Variants in DOCK4 observed in about 807,000 individuals in gnomAD.
The protein encoded by DOCK4 is dedicator of cytokinesis 4, also known as dedicator of cytokinesis protein 4.
A neutral mutation model predicts 268.1 loss-of-function variants in DOCK4; 97 were observed. The observed-to-expected ratio is 0.36, with a 90% CI of 0.31 to 0.43. DOCK4 has a LOEUF of 0.43. Ranked by LOEUF, DOCK4 falls within the 20% of genes least tolerant of loss-of-function variation. DOCK4 has a pLI of 1.00. For missense variants in DOCK4, 2,145 were observed against 2,455.7 expected (o/e 0.87, Z 2.67); for synonymous variants, 954 against 887.2 (o/e 1.08, Z -1.34).
intron 8 of DOCK4, chr7:111,953,645 A>T (rs1047843225): frequency 2.0e-5 from 3 of 152,366 alleles, no homozygotes; most frequent in African/African-American, 7.2e-5. Context: ...CAATGCATAG[A>T]TTTACAAAAA....
intron 13 of DOCK4, among the ~76,000 whole-genome samples, chr7:111,904,640 C>T (rs554735239): frequency 6.6e-6 from 1 of 152,036 alleles, no homozygotes; most frequent in Admixed American, 6.6e-5. Context: ...ATTCTGAATT[C>T]AAATACACTA....
At position 111,837,790 on chromosome 7, in the gene DOCK4, T is replaced by C. The variant is rs557769310; in HGVS notation, c.2737-3104A>G. 1.6e-3 allele frequency among the ~76,000 whole-genome samples: 240 copies of C among 152,194 alleles called. 2 individuals carry two copies. Among genetic ancestry groups the C allele is most frequent in the Non-Finnish European group, 8.8e-4 (60 of 67,986 alleles). On this transcript the variant is annotated intron_variant, in intron 25 of 52. Transcript: ENST00000428084. ...CATGGATTGGGAAATGCAATATTGT[T>C]AAGATGTCAATTTTGGCTGGGCGTG...
At chr7:112,065,865 T>C (rs980099346) in intron 1 of DOCK4, among the ~76,000 whole-genome samples, 1 of 152,120 alleles carries the variant, frequency 6.6e-6, no homozygotes, top group East Asian at 1.9e-4. Flanking sequence ...TCAATCACCA[T>C]TTGATGTAAT....
In DOCK4 at chr7:112,025,174, C is replaced by T. The variant is rs530275620; in HGVS notation, c.38-21043G>A. Among the ~76,000 whole-genome samples the T allele has an allele frequency of 2.2e-4, 34 of 151,970 alleles. No homozygotes were observed. The South Asian group carries it at 6.0e-3, about 27-fold the overall frequency. ...CAATATTCACTCAGCATCTACCATA[C>T]GCCGGCACCATGCTGGGTGCTAGGG... On this transcript the variant is annotated intron_variant, in intron 1 of 52. Transcript: ENST00000428084.
intron 1 of DOCK4, among the ~76,000 whole-genome samples, chr7:112,198,391 A>G (rs1441054645): frequency 6.6e-6 from 1 of 152,202 alleles, no homozygotes; most frequent in East Asian, 1.9e-4. Context: ...TTTTGTTTAA[A>G]CTATCCAGTC....
chr7:111,924,333 T>G (rs1305786190), intron 12 of DOCK4, among the ~76,000 whole-genome samples: 2 of 152,188 alleles, frequency 1.3e-5, no homozygotes, highest in African/African-American at 2.4e-5. Context: ...GTTACACATT[T>G]ACTTTTTTTA....
chr7:111,782,446 T>C (rs879581002), intron 35 of DOCK4, among the ~76,000 whole-genome samples: 1 of 152,190 alleles, frequency 6.6e-6, no homozygotes, highest in Non-Finnish European at 1.5e-5. Context: ...TTTATCAAAA[T>C]GTGGACTGCA....
At chr7:111,804,759 C>T (rs1800549601) in intron 30 of DOCK4, among the ~76,000 whole-genome samples, 1 of 151,902 alleles carries the variant, frequency 6.6e-6, no homozygotes, top group African/African-American at 2.4e-5. Flanking sequence ...GCCACCACAC[C>T]CAGCTAATTT....
intron 44 of DOCK4, among the ~76,000 whole-genome samples, chr7:111,745,592 G>T (rs763042638): frequency 1.2e-4 from 17 of 147,430 alleles, no homozygotes; most frequent in Non-Finnish European, 1.6e-4. Context: ...GCTGAGGCAG[G>T]AGAATGGCGT....
intron 41 of DOCK4, 97 bp from the exon 42 acceptor site, chr7:111,755,698 T>A: frequency 9.2e-7 from 1 of 1,086,964 alleles, no homozygotes. Flanking sequence ...AGGCTTTGCT[T>A]ATTCCTGTCA....
At chr7:111,971,633 C>T in intron 8 of DOCK4, 1 of 226,854 alleles carries the variant, frequency 4.4e-6, no homozygotes, top group Non-Finnish European at 8.6e-6. Context: ...TCTTAGTGGA[C>T]ACATCCCCTT....
chr7:111,732,350 A>G, intron 51 of DOCK4, 63 bp from the exon 52 acceptor site: 1 of 1,555,674 alleles, frequency 6.4e-7, no homozygotes, highest in African/African-American at 1.4e-5. Context: ...CTATCTGCAC[A>G]TGCCCTCTGT....
rs535797212 is a variant in DOCK4 at position 111,957,882 on chromosome 7, G to A, written c.702-12084C>T. 1.2e-3 allele frequency among the ~76,000 whole-genome samples: 178 copies of A among 152,276 alleles called. 1 individual carries two copies. The highest frequency in any genetic ancestry group is 4.1e-3 in the African/African-American group (169 of 41,554). On this transcript the variant is annotated intron_variant, in intron 8 of 52. Coordinates refer to ENST00000428084, the MANE Select transcript of DOCK4 (RefSeq NM_001363540.2). ...TTTGTAGTCCAAAAATCTCTACATG[G>A]AAATACTTAGGGAAAGATGCTACAC... is the stretch of plus-strand genomic sequence containing the variant.
chr7:112,070,768 C>T (rs1439134959), intron 1 of DOCK4, among the ~76,000 whole-genome samples: 10 of 152,150 alleles, frequency 6.6e-5, no homozygotes, highest in Admixed American at 3.3e-4. Context: ...AAAAAGAAAT[C>T]GCCTAAATCT....
At chr7:112,004,289 C>G (rs1800678116) in intron 1 of DOCK4, 158 bp from the exon 2 acceptor site, 10 of 580,318 alleles carry the variant, frequency 1.7e-5, no homozygotes. Context: ...AAGAAAATCA[C>G]TAAGTTCACA....
At chr7:111,854,832 T>C (rs1359324111) in intron 23 of DOCK4, among the ~76,000 whole-genome samples, 2 of 152,210 alleles carry the variant, frequency 1.3e-5, no homozygotes, top group Admixed American at 1.3e-4. Context: ...ATAAAGTCCC[T>C]GGCCTCTGGG....
intron 1 of DOCK4, among the ~76,000 whole-genome samples, chr7:112,121,649 C>T (rs1225271899): frequency 6.6e-6 from 1 of 152,206 alleles, no homozygotes; most frequent in African/African-American, 2.4e-5. Context: ...AAATTGAATG[C>T]TTTTAACTTT....
In DOCK4 at chr7:112,013,685, C is replaced by A. The variant is rs986670982; in HGVS notation, c.38-9554G>T. Among the ~76,000 whole-genome samples the A allele has an allele frequency of 2.6e-5, 4 of 152,188 alleles. No individual in the cohort carries two copies. In the South Asian group the frequency reaches 8.3e-4, roughly 31 times the overall value. ...GTCACACGTGTCCATGTGAAGAGAC[C>A]AGCAAACAGGTTTTGTATGAGCAAT... On this transcript the variant is annotated intron_variant, in intron 1 of 52. Coordinates refer to ENST00000428084, the MANE Select transcript of DOCK4 (RefSeq NM_001363540.2).
At chr7:112,106,037 A>G (rs946877620) in intron 1 of DOCK4, among the ~76,000 whole-genome samples, 4 of 152,198 alleles carry the variant, frequency 2.6e-5, no homozygotes, top group Non-Finnish European at 4.4e-5. Context: ...GTAAGGGGCA[A>G]CGGACCACAA....
Sources: allele counts gnomAD v4.1 joint callset (sites outside exome capture counted in the v4.1 genomes callset), GRCh38; gene constraint gnomAD v4.1.1; transcripts MANE v1.5; gene names NCBI Gene and HGNC (gene_info 2026-07-23, HGNC 2026-07-21).